The following ADAM21 variants were observed in gnomAD, a reference collection of about 807,000 sequenced individuals.
The protein encoded by ADAM21 is disintegrin and metalloproteinase domain-containing protein 21.
For missense variants in ADAM21, 678 were observed against 874.4 expected (o/e 0.78, Z 2.83); for synonymous variants, 262 against 306.0 (o/e 0.86, Z 1.50).
chr14:70,452,429 G>A (rs571368686), intron 1 of ADAM21, among the ~76,000 whole-genome samples, 166 bp downstream of exon 1: 4 of 152,226 alleles, frequency 2.6e-5, no homozygotes, highest in South Asian at 4.2e-4. Context: ...GCAGTGGCGC[G>A]ATCTCAGCTG....
At position 70,452,876 on chromosome 14, in the gene ADAM21, T is replaced by C. The variant is rs566759938; in HGVS notation, c.-152+613T>C. Among the ~76,000 whole-genome samples the C allele has an allele frequency of 1.5e-4, 23 of 152,118 alleles. No homozygotes were observed. The East Asian group carries it at 4.4e-3, about 29-fold the overall frequency. On this transcript the variant is annotated intron_variant, in intron 1 of 1. Transcript: ENST00000603540. ...TAGAAGATGAAGATGCAGTTGAGAA[T>C]AGGGAAAATTAATAGAAACAGTCCT... is the stretch of plus-strand genomic sequence containing the variant.
In ADAM21 at chr14:70,458,958, GAT is replaced by G. The variant is rs1882473392; in HGVS notation, c.1461_1462del (p.Asp487GlufsTer10). On this transcript the variant is annotated frameshift_variant, in exon 2 of 2. Transcript: ENST00000603540. LOFTEE classifies it low-confidence loss of function (END_TRUNC). ...TGGAACATCTCATCAGTGTCCAGAA[GAT>G]AGATATGTGCAGGACGGGATCCCCT... ...CNGTSHQCPE[D>X]RYVQDGIPCS... The G allele has an allele frequency of 6.2e-7, 1 of 1,614,056 alleles. No individual in the cohort carries two copies. Among genetic ancestry groups the G allele is most frequent in the African/African-American group, 1.3e-5 (1 of 74,910 alleles).
chr14:70,459,633 G>C lies in ADAM21; in HGVS notation c.2134G>C (p.Gly712Arg), dbSNP rs1204378791. The change falls in exon 2 of 2, where the codon GGT becomes CGT. Residue 712 changes from glycine (G) to arginine (R), a missense_variant. Physicochemically the swap from Gly to Arg is moderately radical, Grantham distance 125 (BLOSUM62 -2). Transcript: ENST00000603540. ...GLLMYLRQCSGPKETKAHSSG is the reference protein window; with the variant it reads ...GLLMYLRQCSRPKETKAHSSG ...TCTTATGTATCTACGACAATGTTCT[G>C]GTCCCAAAGAAACTAAGGCTCATTC... The C allele has an allele frequency of 6.2e-7, 1 of 1,614,036 alleles. No individual in the cohort carries two copies. Among genetic ancestry groups the C allele is most frequent in the East Asian group, 2.2e-5 (1 of 44,890 alleles).
chr14:70,459,483 T>G lies in ADAM21; in HGVS notation c.1984T>G (p.Cys662Gly). 6.2e-7 allele frequency: 1 copy of G among 1,614,210 alleles called. No individual in the cohort carries two copies. The highest frequency in any genetic ancestry group is 8.5e-7 in the Non-Finnish European group (1 of 1,180,022). The change falls in exon 2 of 2, where the codon TGC (cysteine) becomes GGC (glycine). Residue 662 changes from cysteine to glycine, a missense_variant. By Grantham distance (159) the Cys-to-Gly change is radical (BLOSUM62 -3). Transcript: ENST00000603540. ...HCGYGWSPPY[C>G]QHRGYGGSID... Reference sequence around the variant, plus strand: ...TGGCTATGGGTGGTCCCCACCCTACTGCCAGCACAGAGGCTATGGGGGCAG... The same window carrying G: ...TGGCTATGGGTGGTCCCCACCCTACGGCCAGCACAGAGGCTATGGGGGCAG...
Position 70,459,129 on chromosome 14 carries a change from G to A in ADAM21, c.1630G>A (p.Gly544Ser). 1.2e-6 allele frequency: 2 copies of A among 1,612,732 alleles called. No homozygotes were observed. Among genetic ancestry groups the A allele is most frequent in the Non-Finnish European group, 8.5e-7 (1 of 1,179,304 alleles). Residue 544 changes from glycine to serine, a missense_variant, in exon 2 of 2, where the codon GGT (glycine) becomes AGT (serine). By Grantham distance (56) the Gly-to-Ser change is moderately conservative (BLOSUM62 0). Coordinates refer to ENST00000603540, the MANE Select transcript of ADAM21 (RefSeq NM_003813.4). Reference protein sequence around the residue: ...NSQGNRFGHCGINGTTYLKCH... With the variant: ...NSQGNRFGHCSINGTTYLKCH... ...TCAGGGAAACCGTTTTGGTCACTGT[G>A]GTATAAATGGCACAACATACCTAAA...
chr14:70,458,439 G>A lies in ADAM21; in HGVS notation c.940G>A (p.Gly314Arg), dbSNP rs746299263. 1 of 1,614,170 alleles carries A rather than the reference G, an allele frequency of 6.2e-7. No homozygotes were observed. Among genetic ancestry groups the A allele is most frequent in the East Asian group, 2.2e-5 (1 of 44,880 alleles). Residue 314 changes from glycine (G) to arginine (R), a missense_variant, in exon 2 of 2, where the codon GGA (glycine) becomes AGA (arginine). By Grantham distance (125) the Gly-to-Arg change is moderately radical. Transcript: ENST00000603540. ...ISILGLAYVA[G>R]ICRPPIDCGV... Reference sequence around the variant, plus strand: ...TATACTTGGCCTAGCCTATGTTGCAGGAATATGTCGTCCACCTATTGATTG... The same window carrying A: ...TATACTTGGCCTAGCCTATGTTGCAAGAATATGTCGTCCACCTATTGATTG...
Position 70,459,418 on chromosome 14 carries a change from A to T in ADAM21, c.1919A>T (p.Asn640Ile). 1 of 1,614,226 alleles carries T rather than the reference A, an allele frequency of 6.2e-7. No homozygotes were observed. Among genetic ancestry groups the T allele is most frequent in the Non-Finnish European group, 8.5e-7 (1 of 1,180,034 alleles). Reference sequence around the variant, plus strand: ...CATGTCTGCCTTCCTGAGACCTGCAATATGAAGGGGATCTGCAATAACAAA... The same window carrying T: ...CATGTCTGCCTTCCTGAGACCTGCATTATGAAGGGGATCTGCAATAACAAA... ...LSHVCLPETCNMKGICNNKHH... is the reference protein window; with the variant it reads ...LSHVCLPETCIMKGICNNKHH... The change falls in exon 2 of 2, where the codon AAT becomes ATT. Residue 640 changes from asparagine (N) to isoleucine (I), a missense_variant. By Grantham distance (149) the Asn-to-Ile change is moderately radical (BLOSUM62 -3). Transcript: ENST00000603540.
At position 70,457,740 on chromosome 14, in the gene ADAM21, C is replaced by T. The variant is rs1882441053; in HGVS notation, c.241C>T (p.Leu81Phe). ...CGTTGTTCATATGAGGGTCAAGAAG[C>T]TCTTAGTTTCTAGACACCTCCCAGT... Reference protein sequence around the residue: ...KHVVHMRVKKLLVSRHLPVFT... With the variant: ...KHVVHMRVKKFLVSRHLPVFT... Residue 81 changes from leucine to phenylalanine, a missense_variant, in exon 2 of 2, where the codon CTC becomes TTC. Transcript: ENST00000603540. The T allele has an allele frequency of 1.2e-6, 2 of 1,613,238 alleles. No individual in the cohort carries two copies. Among genetic ancestry groups the T allele is most frequent in the Admixed American group, 1.7e-5 (1 of 59,966 alleles).
Position 70,458,593 on chromosome 14 carries a change from T to C in ADAM21, c.1094T>C (p.Met365Thr), listed in dbSNP as rs770561840. 5 of 1,612,860 alleles carry C rather than the reference T, an allele frequency of 3.1e-6. No individual in the cohort carries two copies. The South Asian group carries it at 4.4e-5, about 14-fold the overall frequency. ...FCFCGERGCI[M>T]NTFRVPAEKF... ...TTTTGTGGGGAAAGAGGTTGCATCATGAATACTTTTAGAGTGCCAGCAGAG... is the reference window on the plus strand; with the variant it reads ...TTTTGTGGGGAAAGAGGTTGCATCACGAATACTTTTAGAGTGCCAGCAGAG... Residue 365 changes from methionine to threonine, a missense_variant, in exon 2 of 2, where the codon ATG becomes ACG. Coordinates refer to ENST00000603540, the MANE Select transcript of ADAM21 (RefSeq NM_003813.4).
chr14:70,452,958 A>G (rs1889058966), intron 1 of ADAM21, among the ~76,000 whole-genome samples: 1 of 152,190 alleles, frequency 6.6e-6, no homozygotes, highest in Admixed American at 6.5e-5. Flanking sequence ...CTAGAGAGGT[A>G]GTAAGGTAGA....
rs766037648 is a variant in ADAM21 at position 70,457,544 on chromosome 14, G to C, written c.45G>C (p.Leu15=). 13 of 1,606,348 alleles carry C rather than the reference G, an allele frequency of 8.1e-6. No individual in the cohort carries two copies. The South Asian group carries it at 1.1e-4, about 14-fold the overall frequency. Residue 15 remains leucine (L), a synonymous_variant, in exon 2 of 2, where the codon CTG becomes CTC. Transcript: ENST00000603540. ...TCGTGTACATCAGAGTCACTCTTCT[G>C]CTGCTCTGGCTTGGGGTATTTTTGT... ...GTLVYIRVTL[L]LLWLGVFLSI...
At chr14:70,455,057 G>A (rs534757186) in intron 1 of ADAM21, among the ~76,000 whole-genome samples, 15 of 152,122 alleles carry the variant, frequency 9.9e-5, no homozygotes, top group Non-Finnish European at 2.1e-4. Context: ...GGTTCAATAC[G>A]GTAAGTAGAT....
chr14:70,459,503 G>A lies in ADAM21; in HGVS notation c.2004G>A (p.Gly668=), dbSNP rs756566037. 1.9e-6 allele frequency: 3 copies of A among 1,614,176 alleles called. No homozygotes were observed. Among genetic ancestry groups the A allele is most frequent in the Middle Eastern group, 1.6e-4 (1 of 6,062 alleles). ...SPPYCQHRGY[G]GSIDSGPASA... is the part of the protein sequence containing the mutation. The stretch of plus-strand genomic sequence containing the variant: ...CCTACTGCCAGCACAGAGGCTATGG[G>A]GGCAGTATTGACAGTGGCCCAGCAT... The change falls in exon 2 of 2, where the codon GGG becomes GGA. Residue 668 remains glycine, a synonymous_variant. Transcript: ENST00000603540.
chr14:70,459,736 T>C lies in ADAM21; in HGVS notation c.*68T>C. 3 of 1,546,066 alleles carry C rather than the reference T, an allele frequency of 1.9e-6. No homozygotes were observed. The highest frequency in any genetic ancestry group is 2.6e-6 in the Non-Finnish European group (3 of 1,142,800). The stretch of plus-strand genomic sequence containing the variant: ...AGTCTCTTGGCAGTAGAAACATTAG[T>C]ACATCCCTGAAACTGAGCACATTTC... On this transcript the variant is annotated 3_prime_UTR_variant, in exon 2 of 2. Coordinates refer to ENST00000603540, the MANE Select transcript of ADAM21 (RefSeq NM_003813.4).
rs1448772521 is a variant in ADAM21 at position 70,455,323 on chromosome 14, T to C, written c.-151-2026T>C. 2.6e-5 allele frequency among the ~76,000 whole-genome samples: 4 copies of C among 152,314 alleles called. No individual in the cohort carries two copies. In the East Asian group the frequency reaches 7.7e-4, roughly 29 times the overall value. ...ATTAGCTTGATTTAAGTGCTTTTCCTTTTTGTTCTTATAAGAAATAGCACC... is the reference window on the plus strand; with the variant it reads ...ATTAGCTTGATTTAAGTGCTTTTCCCTTTTGTTCTTATAAGAAATAGCACC... On this transcript the variant is annotated intron_variant, in intron 1 of 1. Coordinates refer to ENST00000603540, the MANE Select transcript of ADAM21 (RefSeq NM_003813.4).
rs780602426 is a variant in ADAM21 at position 70,459,700 on chromosome 14, T to C, written c.*32T>C. 4 of 1,599,446 alleles carry C rather than the reference T, an allele frequency of 2.5e-6. No individual in the cohort carries two copies. In the African/African-American group the frequency reaches 5.4e-5, roughly 21 times the overall value. On this transcript the variant is annotated 3_prime_UTR_variant, in exon 2 of 2. Coordinates refer to ENST00000603540, the MANE Select transcript of ADAM21 (RefSeq NM_003813.4). ...GTCTCTAACTTAATATTCCATGCAT[T>C]AGTACACTTTAGTCTCTTGGCAGTA...
In ADAM21 at chr14:70,458,932, A is replaced by G; in HGVS notation, c.1433A>G (p.Asn478Ser). The G allele has an allele frequency of 6.2e-7, 1 of 1,614,172 alleles. No homozygotes were observed. The highest frequency in any genetic ancestry group is 1.1e-5 in the South Asian group (1 of 91,070). The change falls in exon 2 of 2, where the codon AAT (asparagine) becomes AGT (serine). Residue 478 changes from asparagine to serine, a missense_variant. By Grantham distance (46) the Asn-to-Ser change is conservative. Coordinates refer to ENST00000603540, the MANE Select transcript of ADAM21 (RefSeq NM_003813.4). ...GAATGTGACCTTCCAGAATGGTGCA[A>G]TGGAACATCTCATCAGTGTCCAGAA... ...VNECDLPEWC[N>S]GTSHQCPEDR... is the part of the protein sequence containing the mutation.
rs370238293 is a variant in ADAM21 at position 70,458,095 on chromosome 14, C to G, written c.596C>G (p.Ser199Cys). 3.7e-6 allele frequency: 6 copies of G among 1,611,158 alleles called. No individual in the cohort carries two copies. Among genetic ancestry groups the G allele is most frequent in the Non-Finnish European group, 5.1e-6 (6 of 1,179,354 alleles). ...GAGAACTCAGCTCTGGAACCAAAAT[C>G]TGCTGGTGACTGGTGGACTCATGCA... The part of the protein sequence containing the change: ...EAENSALEPK[S>C]AGDWWTHAWF... The change falls in exon 2 of 2, where the codon TCT (serine) becomes TGT (cysteine). Residue 199 changes from serine to cysteine, a missense_variant. Transcript: ENST00000603540.
chr14:70,459,607 T>G lies in ADAM21; in HGVS notation c.2108T>G (p.Leu703Arg), dbSNP rs982116469. Residue 703 changes from leucine (L) to arginine (R), a missense_variant, in exon 2 of 2, where the codon CTT becomes CGT. Transcript: ENST00000603540. ...SVLTFLFTVG[L>R]LMYLRQCSGP... ...TTGACTTTCCTGTTTACTGTCGGGC[T>G]TCTTATGTATCTACGACAATGTTCT... 6.2e-7 allele frequency: 1 copy of G among 1,614,108 alleles called. No individual in the cohort carries two copies.
Sources: gnomAD v4.1 joint callset for allele counts (sites outside exome capture counted in the v4.1 genomes callset) on GRCh38, gnomAD v4.1.1 for gene constraint, MANE v1.5 for transcripts, NCBI Gene and HGNC (gene_info 2026-07-23, HGNC 2026-07-21) for gene names.